Variants in CCDC91 observed in about 807,000 individuals in gnomAD.
The protein encoded by CCDC91 is coiled-coil domain-containing protein 91.
In CCDC91, 48 loss-of-function variants were observed where a neutral mutation model predicts 63.2. The ratio of observed to expected loss-of-function variants is 0.76; its 90% CI spans 0.60 to 0.97. The LOEUF (loss-of-function observed/expected upper bound fraction) is 0.97, where lower values mean the gene tolerates loss of function less well. CCDC91 is among the 50% of genes least tolerant of loss of function. The probability of loss-of-function intolerance (pLI) is 0.00; values close to 1 mark genes in which losing one functional copy is unlikely to be tolerated. For missense variants in CCDC91, 500 were observed against 494.6 expected (o/e 1.01, Z -0.10); for synonymous variants, 167 against 165.8 (o/e 1.01, Z -0.06).
chr12:28,445,287 A>C (rs964806955), intron 8 of CCDC91, among the ~76,000 whole-genome samples: 1 of 152,168 alleles, frequency 6.6e-6, no homozygotes, highest in Non-Finnish European at 1.5e-5. Context: ...GAATTAAAAC[A>C]CTAATCTATC....
intron 1 of CCDC91, among the ~76,000 whole-genome samples, chr12:28,228,066 T>C (rs1454647486): frequency 2.0e-5 from 3 of 152,210 alleles, no homozygotes; most frequent in South Asian, 2.1e-4. Flanking sequence ...TCATGACTTT[T>C]CATAATTTTG....
chr12:28,394,290 C>T (rs960808519), intron 8 of CCDC91, among the ~76,000 whole-genome samples: 3 of 152,018 alleles, frequency 2.0e-5, no homozygotes, highest in Non-Finnish European at 2.9e-5. Flanking sequence ...CAGGGTGAAA[C>T]CCCGTCTCTA....
intron 12 of CCDC91, among the ~76,000 whole-genome samples, chr12:28,484,608 T>C (rs1221027142): frequency 1.3e-5 from 2 of 152,134 alleles, no homozygotes; most frequent in Admixed American, 6.5e-5. Flanking sequence ...CATAGTGCCA[T>C]TTCAAAACCA....
intron 8 of CCDC91, among the ~76,000 whole-genome samples, chr12:28,435,914 A>G (rs1216829301): frequency 6.6e-6 from 1 of 151,774 alleles, no homozygotes; most frequent in East Asian, 1.9e-4. Flanking sequence ...TCTGAAATAT[A>G]GCTAGTCTGT....
chr12:28,456,983 A>G (rs942639564), intron 11 of CCDC91, among the ~76,000 whole-genome samples: 1 of 152,172 alleles, frequency 6.6e-6, no homozygotes, highest in Non-Finnish European at 1.5e-5. Context: ...CTACCTAGAA[A>G]GAATATGGCC....
intron 7 of CCDC91, among the ~76,000 whole-genome samples, chr12:28,372,770 G>A (rs2138863326): frequency 1.3e-5 from 2 of 152,182 alleles, no homozygotes; most frequent in South Asian, 4.1e-4. Flanking sequence ...TCATGTCATT[G>A]GCAAACAGAG....
chr12:28,399,660 A>T (rs1326550990), intron 8 of CCDC91, among the ~76,000 whole-genome samples: 1 of 152,230 alleles, frequency 6.6e-6, no homozygotes, highest in African/African-American at 2.4e-5. Flanking sequence ...TACAATGGAG[A>T]TACAGACATT....
chr12:28,264,260 C>A (rs1247659782), intron 3 of CCDC91, among the ~76,000 whole-genome samples: 1 of 151,324 alleles, frequency 6.6e-6, no homozygotes, highest in African/African-American at 2.4e-5. Context: ...ACTTACTTTT[C>A]TAAACATTTG....
intron 7 of CCDC91, among the ~76,000 whole-genome samples, chr12:28,384,691 G>A (rs1945492179): frequency 6.6e-6 from 1 of 152,020 alleles, no homozygotes; most frequent in African/African-American, 2.4e-5. Context: ...GAAAAGCTAA[G>A]ACAAATGGAA....
chr12:28,489,711 A>G (rs1009253797), intron 12 of CCDC91, among the ~76,000 whole-genome samples: 1 of 151,862 alleles, frequency 6.6e-6, no homozygotes, highest in African/African-American at 2.4e-5. Flanking sequence ...TCTTTACTTC[A>G]AAGGTTTTGT....
chr12:28,210,049 T>C (rs188349341), intron 1 of CCDC91, among the ~76,000 whole-genome samples: 24 of 152,316 alleles, frequency 1.6e-4, no homozygotes, highest in Admixed American at 1.5e-3. Flanking sequence ...CATCCTTCTT[T>C]TTAAACAACC....
At chr12:28,543,757 T>G (rs543564358) in intron 12 of CCDC91, among the ~76,000 whole-genome samples, 12 of 152,154 alleles carry the variant, frequency 7.9e-5, no homozygotes, top group African/African-American at 2.9e-4. Context: ...TTAGACAAAT[T>G]TATCATGTCT....
At chr12:28,216,863 A>C (rs1213223979) in intron 1 of CCDC91, among the ~76,000 whole-genome samples, 1 of 152,096 alleles carries the variant, frequency 6.6e-6, no homozygotes, top group Non-Finnish European at 1.5e-5. Flanking sequence ...AGAGAATATC[A>C]TAAGCATCAG....
chr12:28,549,088 G>T lies in CCDC91; in HGVS notation c.1241G>T (p.Ser414Ile), dbSNP rs778976380. The part of the protein sequence containing the change: ...KRLDQVIRQR[S>I]LSSLELFLSC... ...CTCGATCAAGTCATCCGCCAAAGAA[G>T]CCTGTCCAGTTTGGAACTGTTCCTC... is the stretch of plus-strand genomic sequence containing the variant. Residue 414 changes from serine to isoleucine, a missense_variant, in exon 13 of 13, where the codon AGC becomes ATC. Ser to Ile is a moderately radical substitution (Grantham distance 142). Coordinates refer to ENST00000536442, the MANE Select transcript of CCDC91 (RefSeq NM_018318.5). 6.2e-7 allele frequency: 1 copy of T among 1,611,984 alleles called. No individual in the cohort carries two copies. Among genetic ancestry groups the T allele is most frequent in the Non-Finnish European group, 8.5e-7 (1 of 1,178,706 alleles).
intron 2 of CCDC91, among the ~76,000 whole-genome samples, chr12:28,258,285 A>G (rs1946582298): frequency 6.7e-6 from 1 of 149,152 alleles, no homozygotes; most frequent in African/African-American, 2.5e-5. Flanking sequence ...AATGCCTTCC[A>G]TTTTGAGGAA....
chr12:28,200,750 C>T (rs1277906812), intron 1 of CCDC91, among the ~76,000 whole-genome samples: 7 of 151,704 alleles, frequency 4.6e-5, no homozygotes, highest in South Asian at 2.1e-4. Flanking sequence ...TCCACAAAAC[C>T]GCCATTGTCA....
At chr12:28,408,589 C>A (rs184032017) in intron 8 of CCDC91, among the ~76,000 whole-genome samples, 1 of 152,188 alleles carries the variant, frequency 6.6e-6, no homozygotes, top group African/African-American at 2.4e-5. Flanking sequence ...TAAATGTCTT[C>A]TTTTGAGAAG....
At chr12:28,256,526 T>C (rs1335503022) in intron 1 of CCDC91, among the ~76,000 whole-genome samples, 2 of 152,132 alleles carry the variant, frequency 1.3e-5, no homozygotes, top group Non-Finnish European at 1.5e-5. Flanking sequence ...ATTTGAGTGC[T>C]TGTCTCTCTT....
chr12:28,294,288 G>C (rs1223463377), intron 3 of CCDC91, among the ~76,000 whole-genome samples: 1 of 152,032 alleles, frequency 6.6e-6, no homozygotes, highest in African/African-American at 2.4e-5. Flanking sequence ...TCATTGATAG[G>C]CTTTGGCTCT....
Sources: allele counts gnomAD v4.1 joint callset (sites outside exome capture counted in the v4.1 genomes callset), GRCh38; gene constraint gnomAD v4.1.1; transcripts MANE v1.5; gene names NCBI Gene and HGNC (gene_info 2026-07-23, HGNC 2026-07-21).